GRM7: variants seen among roughly 807,000 people sequenced by gnomAD.
GRM7 encodes glutamate metabotropic receptor 7.
A neutral mutation model predicts 84.5 loss-of-function variants in GRM7; 35 were observed. The observed-to-expected ratio is 0.41, with a 90% CI of 0.32 to 0.55. The LOEUF is 0.55. Among genes scored for constraint, GRM7 ranks in the 20% least tolerant of loss-of-function variants. GRM7 has a pLI of 0.19. For synonymous variants in GRM7, 487 were observed against 455.1 expected, an observed-to-expected ratio of 1.07 and a Z score of -0.89; for missense variants, 1,003 against 1,194.6, an observed-to-expected ratio of 0.84 and a Z score of 2.36.
chr3:6,880,990 C>G (rs1249022964), intron 1 of GRM7, among the ~76,000 whole-genome samples: 1 of 152,106 alleles, frequency 6.6e-6, no homozygotes, highest in African/African-American at 2.4e-5. Flanking sequence ...ACTTCACTGG[C>G]TTAGCAATCA....
chr3:6,888,644 A>G (rs1205151861), intron 1 of GRM7, among the ~76,000 whole-genome samples: 1 of 152,024 alleles, frequency 6.6e-6, no homozygotes, highest in Non-Finnish European at 1.5e-5. Context: ...GCCTTGTAGT[A>G]TAGTTTGAAG....
intron 4 of GRM7, among the ~76,000 whole-genome samples, chr3:7,357,980 G>A (rs1218153901): frequency 6.6e-6 from 1 of 152,034 alleles, no homozygotes; most frequent in East Asian, 1.9e-4. Context: ...GGTCCCTGCA[G>A]GCATGTGACA....
At chr3:6,992,857 G>C (rs907401085) in intron 1 of GRM7, among the ~76,000 whole-genome samples, 1 of 152,216 alleles carries the variant, frequency 6.6e-6, no homozygotes, top group Non-Finnish European at 1.5e-5. Context: ...CAGCTCATTT[G>C]AGAAGGTAGA....
intron 1 of GRM7, among the ~76,000 whole-genome samples, chr3:7,065,163 C>T (rs1697608662): frequency 6.6e-6 from 1 of 151,608 alleles, no homozygotes; most frequent in Non-Finnish European, 1.5e-5. Flanking sequence ...GCTGACTGTT[C>T]CTTTTGCTGT....
chr3:7,264,985 G>GTTGTATT (rs1035602826), intron 2 of GRM7, among the ~76,000 whole-genome samples: 2 of 152,162 alleles, frequency 1.3e-5, no homozygotes, highest in African/African-American at 4.8e-5. Flanking sequence ...CTCAATAAAG[G>GTTGTATT]TTGTATTTAC....
At chr3:7,323,469 G>A (rs28378912) in intron 4 of GRM7, among the ~76,000 whole-genome samples, 72,612 of 151,942 alleles carry the variant, frequency 0.48, 18,056 homozygotes, top group African/African-American at 0.63. Context: ...TCTTACTAAG[G>A]CATCTGGAGA....
rs183537593 is a variant in GRM7 at position 6,930,900 on chromosome 3, A to G, written c.519+68993A>G. 3.3e-5 allele frequency among the ~76,000 whole-genome samples: 5 copies of G among 152,290 alleles called. No homozygotes were observed. In the East Asian group the frequency reaches 9.7e-4, roughly 29 times the overall value. ...CTATGAAGTTATTAAAGGACACTCA[A>G]TGCTTCCCACCTGGTCATTTTTCTC... On this transcript the variant is annotated intron_variant, in intron 1 of 9. Coordinates refer to ENST00000357716, the MANE Select transcript of GRM7 (RefSeq NM_000844.4).
At chr3:7,232,774 G>C (rs1296319786) in intron 2 of GRM7, among the ~76,000 whole-genome samples, 1 of 152,162 alleles carries the variant, frequency 6.6e-6, no homozygotes, top group African/African-American at 2.4e-5. Flanking sequence ...AGTTTACACA[G>C]CTAGTAAGTA....
At chr3:6,936,859 G>A (rs1248406330) in intron 1 of GRM7, among the ~76,000 whole-genome samples, 2 of 152,190 alleles carry the variant, frequency 1.3e-5, no homozygotes, top group East Asian at 3.9e-4. Context: ...CATATATACT[G>A]CTTTCAAATT....
At chr3:7,381,859 C>T (rs544709166) in intron 4 of GRM7, among the ~76,000 whole-genome samples, 1 of 152,208 alleles carries the variant, frequency 6.6e-6, no homozygotes, top group Admixed American at 6.5e-5. Context: ...GTTGAAGGCA[C>T]ATTTAAGGTT....
intron 1 of GRM7, among the ~76,000 whole-genome samples, chr3:6,890,853 T>A (rs1013800748): frequency 1.1e-4 from 17 of 152,146 alleles, no homozygotes; most frequent in African/African-American, 3.1e-4. Context: ...CCCATTATTA[T>A]TGTGTGGGAG....
chr3:7,152,714 GATTGTGATGTATAC>G (rs778317015), intron 2 of GRM7, among the ~76,000 whole-genome samples: 64 of 152,244 alleles, frequency 4.2e-4, no homozygotes, highest in Non-Finnish European at 8.5e-4. Flanking sequence ...TCCTCTTTTG[GATTGTGATGTATAC>G]ATTCATCTTT....
chr3:7,349,209 C>T (rs948934327), intron 4 of GRM7, among the ~76,000 whole-genome samples: 1 of 152,104 alleles, frequency 6.6e-6, no homozygotes, highest in Non-Finnish European at 1.5e-5. Flanking sequence ...TTTCCCTCCT[C>T]GTTGTAGTTT....
chr3:7,240,371 A>T (rs1697512888), intron 2 of GRM7, among the ~76,000 whole-genome samples: 1 of 151,868 alleles, frequency 6.6e-6, no homozygotes, highest in Non-Finnish European at 1.5e-5. Context: ...AAATCTCCTA[A>T]TTTTAAAATA....
At chr3:7,229,729 A>G (rs1697105945) in intron 2 of GRM7, among the ~76,000 whole-genome samples, 1 of 18,362 alleles carries the variant, frequency 5.4e-5, no homozygotes, top group Non-Finnish European at 9.3e-5. Flanking sequence ...ACACACACAT[A>G]TATATATATA....
chr3:7,040,585 G>A (rs938690811), intron 1 of GRM7, among the ~76,000 whole-genome samples: 6 of 151,892 alleles, frequency 4.0e-5, no homozygotes, highest in African/African-American at 1.5e-4. Flanking sequence ...TTACAGGCAT[G>A]AGCCACCACA....
intron 1 of GRM7, among the ~76,000 whole-genome samples, chr3:7,019,379 G>A (rs1045203855): frequency 1.3e-4 from 20 of 152,176 alleles, no homozygotes; most frequent in Admixed American, 2.6e-4. Context: ...GCATGATGTC[G>A]TGTCCGCTAT....
intron 1 of GRM7, among the ~76,000 whole-genome samples, chr3:7,000,147 C>CAG (rs2124874864): frequency 6.9e-6 from 1 of 144,210 alleles, no homozygotes; most frequent in Non-Finnish European, 1.5e-5. Context: ...GCCATGACAA[C>CAG]AGTAATGTCA....
In GRM7 at chr3:7,319,311, G is replaced by C. The variant is rs139638563; in HGVS notation, c.1033+12659G>C. ...CATAGTAGTTGAACTAAGAAATAAG[G>C]GTGGAAGGGTTCATTTAAGGGGGAC... On this transcript the variant is annotated intron_variant, in intron 4 of 9. Transcript: ENST00000357716. 4.1e-3 allele frequency among the ~76,000 whole-genome samples: 618 copies of C among 152,052 alleles called. 5 individuals carry two copies. The highest frequency in any genetic ancestry group is 0.014 in the African/African-American group (580 of 41,490).
Sources: gnomAD v4.1 joint callset for allele counts (sites outside exome capture counted in the v4.1 genomes callset) on GRCh38, gnomAD v4.1.1 for gene constraint, MANE v1.5 for transcripts, NCBI Gene and HGNC (gene_info 2026-07-23, HGNC 2026-07-21) for gene names.